GPR160: variants seen among roughly 807,000 people sequenced by gnomAD.
The protein encoded by GPR160 is G protein-coupled receptor 160, also known as probable G protein-coupled receptor 160.
In GPR160, 2 loss-of-function variants were observed where a neutral mutation model predicts 2.6. The observed-to-expected ratio is 0.77, with a 90% CI of 0.32 to 2.44. The LOEUF (loss-of-function observed/expected upper bound fraction) is 2.44. Among genes scored for constraint, GPR160 ranks in the 30% most tolerant of loss-of-function variants. The pLI, the probability that GPR160 is intolerant of heterozygous loss-of-function variation, is 0.11. For missense variants in GPR160, 351 were observed against 383.6 expected (o/e 0.91, Z 0.71); for synonymous variants, 130 against 132.2 (o/e 0.98, Z 0.12).
In GPR160 at chr3:170,068,771, C is replaced by T. The variant is rs184401063; in HGVS notation, c.-192-11003C>T. Among the ~76,000 whole-genome samples, 3 of 152,252 alleles carry T rather than the reference C, an allele frequency of 2.0e-5. No homozygotes were observed. In the East Asian group the frequency reaches 5.8e-4, roughly 29 times the overall value. On this transcript the variant is annotated intron_variant, in intron 2 of 3. Transcript: ENST00000355897. The stretch of plus-strand genomic sequence containing the variant: ...TTTTAAATAGCTTTCTTCTATCTAG[C>T]ATTGTGTCTATTTCCTCCAAGTTGT...
chr3:170,061,587 G>A (rs16854825), intron 2 of GPR160, among the ~76,000 whole-genome samples: 41,514 of 151,814 alleles, frequency 0.27, 6,258 homozygotes, highest in East Asian at 0.58. Flanking sequence ...ATGGCTATCC[G>A]ATTATAAGAT....
At position 170,084,819 on chromosome 3, in the gene GPR160, G is replaced by A; in HGVS notation, c.847G>A (p.Val283Ile). Reference sequence around the variant, plus strand: ...GATGAATATTCCCTGGTTATACTTTGTCAATAGTTTTCTCATTGCTACAGT... The same window carrying A: ...GATGAATATTCCCTGGTTATACTTTATCAATAGTTTTCTCATTGCTACAGT... The part of the protein sequence containing the change: ...IEMNIPWLYF[V>I]NSFLIATVYW... Residue 283 changes from valine to isoleucine, a missense_variant, in exon 4 of 4, where the codon GTC becomes ATC. Coordinates refer to ENST00000355897, the MANE Select transcript of GPR160 (RefSeq NM_014373.3). 3 of 1,608,858 alleles carry A rather than the reference G, an allele frequency of 1.9e-6. No homozygotes were observed. The highest frequency in any genetic ancestry group is 2.6e-6 in the Non-Finnish European group (3 of 1,176,022).
chr3:170,053,092 C>T (rs1717029721), intron 2 of GPR160, among the ~76,000 whole-genome samples: 1 of 152,116 alleles, frequency 6.6e-6, no homozygotes, highest in Non-Finnish European at 1.5e-5. Flanking sequence ...TGTAAGTCGT[C>T]CAACTTTGTT....
At chr3:170,052,799 T>C (rs6784040) in intron 2 of GPR160, among the ~76,000 whole-genome samples, 73,046 of 152,036 alleles carry the variant, frequency 0.48, 18,118 homozygotes, top group East Asian at 0.76. Flanking sequence ...TTCTTTACTC[T>C]AAGGTTGCAA....
intron 3 of GPR160, among the ~76,000 whole-genome samples, chr3:170,082,029 G>A (rs1024647367): frequency 6.6e-6 from 1 of 152,078 alleles, no homozygotes; most frequent in Non-Finnish European, 1.5e-5. Flanking sequence ...TTTATCTTCA[G>A]ACAAAATTAT....
chr3:170,064,364 C>T (rs539192254), intron 2 of GPR160, among the ~76,000 whole-genome samples: 10 of 152,194 alleles, frequency 6.6e-5, no homozygotes, highest in Admixed American at 6.5e-4. Context: ...CGGCTGCCAG[C>T]CTCAGAGAAA....
intron 2 of GPR160, among the ~76,000 whole-genome samples, chr3:170,045,586 T>C (rs2108310013): frequency 6.6e-6 from 1 of 150,478 alleles, no homozygotes; most frequent in South Asian, 2.1e-4. Flanking sequence ...CAAGATTCTG[T>C]CTCAAAAAAA....
intron 2 of GPR160, among the ~76,000 whole-genome samples, chr3:170,070,549 C>T (rs985160256): frequency 1.3e-4 from 19 of 151,952 alleles, no homozygotes; most frequent in African/African-American, 4.6e-4. Flanking sequence ...AGAGTACTTC[C>T]AAAAAAAGTA....
chr3:170,084,872 T>C lies in GPR160; in HGVS notation c.900T>C (p.Asn300=). 2 of 1,609,312 alleles carry C rather than the reference T, an allele frequency of 1.2e-6. No homozygotes were observed. Among genetic ancestry groups the C allele is most frequent in the South Asian group, 2.2e-5 (2 of 90,890 alleles). Residue 300 remains asparagine, a synonymous_variant, in exon 4 of 4, where the codon AAT becomes AAC. Coordinates refer to ENST00000355897, the MANE Select transcript of GPR160 (RefSeq NM_014373.3). The part of the protein sequence containing the change: ...TVYWFNCHKL[N]LKDIGLPLDP... ...ATTGGTTTAATTGTCACAAGCTTAA[T>C]TTAAAAGACATTGGATTACCTTTGG...
chr3:170,064,413 A>G (rs1485421305), intron 2 of GPR160, among the ~76,000 whole-genome samples: 1 of 152,026 alleles, frequency 6.6e-6, no homozygotes, highest in East Asian at 1.9e-4. Context: ...ACCCCCGGGA[A>G]TCTAAGATAG....
intron 2 of GPR160, among the ~76,000 whole-genome samples, chr3:170,075,127 C>T (rs1712787913): frequency 6.6e-6 from 1 of 152,170 alleles, no homozygotes; most frequent in Non-Finnish European, 1.5e-5. Flanking sequence ...ACTTAGCAGG[C>T]TGAGGCAGGA....
intron 2 of GPR160, among the ~76,000 whole-genome samples, chr3:170,043,659 A>G (rs1716561027): frequency 6.6e-6 from 1 of 152,174 alleles, no homozygotes; most frequent in Non-Finnish European, 1.5e-5. Flanking sequence ...CACTACCTTT[A>G]GCAGGAAGCA....
intron 2 of GPR160, among the ~76,000 whole-genome samples, chr3:170,064,836 C>A (rs1712229175): frequency 6.6e-6 from 1 of 152,154 alleles, no homozygotes; most frequent in Admixed American, 6.5e-5. Flanking sequence ...CCCATTCTTA[C>A]TGAGTGAGAC....
At position 170,084,206 on chromosome 3, in the gene GPR160, T is replaced by C; in HGVS notation, c.234T>C (p.Tyr78=). Residue 78 remains tyrosine (Y), a synonymous_variant, in exon 4 of 4, where the codon TAT becomes TAC. Coordinates refer to ENST00000355897, the MANE Select transcript of GPR160 (RefSeq NM_014373.3). ...LLLVNISIIL[Y]FRDFVLLSIR... ...TGGTAAACATTTCCATTATATTGTA[T>C]TTCAGGGATTTTGTACTTTTAAGCA... 6.3e-7 allele frequency: 1 copy of C among 1,596,764 alleles called. No homozygotes were observed. Among genetic ancestry groups the C allele is most frequent in the Non-Finnish European group, 8.5e-7 (1 of 1,170,106 alleles).
At chr3:170,064,633 C>T (rs767739873) in intron 2 of GPR160, among the ~76,000 whole-genome samples, 7 of 151,028 alleles carry the variant, frequency 4.6e-5, no homozygotes, top group East Asian at 2.0e-4. Flanking sequence ...ATTCTTCTGC[C>T]TCAGCCTCCT....
intron 2 of GPR160, among the ~76,000 whole-genome samples, chr3:170,043,043 A>G (rs2108307346): frequency 6.6e-6 from 1 of 150,558 alleles, no homozygotes; most frequent in African/African-American, 2.4e-5. Context: ...CACCACGCCC[A>G]GCTAATTTTT....
chr3:170,079,748 C>G (rs906733346), intron 2 of GPR160, 26 bp from the exon 3 acceptor site: 12 of 152,202 alleles, frequency 7.9e-5, no homozygotes, highest in Non-Finnish European at 1.5e-4. Flanking sequence ...AATGATGTTT[C>G]ATTTTGTTTT....
chr3:170,046,534 G>A (rs1357675947), intron 2 of GPR160, among the ~76,000 whole-genome samples: 2 of 152,106 alleles, frequency 1.3e-5, no homozygotes, highest in Non-Finnish European at 2.9e-5. Context: ...ATATCTAATA[G>A]GAATGTTGTG....
At chr3:170,042,059 A>G (rs1716474012) in intron 2 of GPR160, among the ~76,000 whole-genome samples, 1 of 152,224 alleles carries the variant, frequency 6.6e-6, no homozygotes, top group Admixed American at 6.5e-5. Flanking sequence ...ATGATAGGAA[A>G]GAGTGTTGGC....
Sources: gnomAD v4.1 joint callset for allele counts (sites outside exome capture counted in the v4.1 genomes callset) on GRCh38, gnomAD v4.1.1 for gene constraint, MANE v1.5 for transcripts, NCBI Gene and HGNC (gene_info 2026-07-23, HGNC 2026-07-21) for gene names.